ITGA9: variants seen among roughly 807,000 people sequenced by gnomAD.
The protein encoded by ITGA9 is integrin alpha-9.
In ITGA9, 56 loss-of-function variants were observed where a neutral mutation model predicts 127.8. The observed-to-expected ratio is 0.44, with a 90% CI of 0.35 to 0.55. ITGA9 has a LOEUF of 0.55. ITGA9 is among the 20% of genes least tolerant of loss of function. ITGA9 has a pLI of 0.00. For missense variants in ITGA9, 1,196 were observed against 1,347.1 expected (o/e 0.89, Z 1.76); for synonymous variants, 508 against 514.5 (o/e 0.99, Z 0.17).
At chr3:37,470,247 C>G (rs554275829) in intron 1 of ITGA9, among the ~76,000 whole-genome samples, 2 of 147,922 alleles carry the variant, frequency 1.4e-5, no homozygotes, top group African/African-American at 2.5e-5. Flanking sequence ...AATGGAATTA[C>G]TGGGTCAAAG....
At chr3:37,546,135 C>T (rs1256880079) in intron 15 of ITGA9, among the ~76,000 whole-genome samples, 1 of 151,980 alleles carries the variant, frequency 6.6e-6, no homozygotes. Context: ...AGCAGAAAAC[C>T]ATCTAACATG....
chr3:37,818,543 G>A (rs937307851), intron 27 of ITGA9: 23 of 315,190 alleles, frequency 7.3e-5, no homozygotes, highest in African/African-American at 2.8e-4. Context: ...GATTACAGGC[G>A]TGAGCCACTG....
At chr3:37,515,390 G>C (rs1698974496) in intron 9 of ITGA9, among the ~76,000 whole-genome samples, 2 of 152,326 alleles carry the variant, frequency 1.3e-5, no homozygotes, top group Admixed American at 1.3e-4. Flanking sequence ...GCAGATGCCA[G>C]AAAGGAAGGA....
intron 18 of ITGA9, among the ~76,000 whole-genome samples, chr3:37,708,561 G>T (rs569341033): frequency 7.4e-5 from 1 of 13,508 alleles, no homozygotes; most frequent in African/African-American, 3.0e-4. Context: ...CTAAGACACA[G>T]TTCACAACTT....
At chr3:37,604,728 G>A (rs2040145) in intron 15 of ITGA9, among the ~76,000 whole-genome samples, 79,353 of 151,966 alleles carry the variant, frequency 0.52, 21,310 homozygotes, top group East Asian at 0.61. Context: ...GTCCTTTGTA[G>A]GGTTCAGTAT....
At position 37,779,938 on chromosome 3, in the gene ITGA9, C is replaced by A; in HGVS notation, c.2704C>A (p.His902Asn). Reference protein sequence around the residue: ...EKPGISCLTAHCNFSALAKEE... With the variant: ...EKPGISCLTANCNFSALAKEE... ...ACCAGGAATTTCTTGCCTAACAGCA[C>A]ACTGTAACTTTAGTGCTCTTGCTAA... Residue 902 changes from histidine (H) to asparagine (N), a missense_variant, in exon 25 of 28, where the codon CAC (histidine) becomes AAC (asparagine). His to Asn is a moderately conservative substitution (Grantham distance 68, BLOSUM62 1). Coordinates refer to ENST00000264741, the MANE Select transcript of ITGA9 (RefSeq NM_002207.3). 6.2e-7 allele frequency: 1 copy of A among 1,613,814 alleles called. No homozygotes were observed. Among genetic ancestry groups the A allele is most frequent in the Non-Finnish European group, 8.5e-7 (1 of 1,179,692 alleles).
chr3:37,554,263 A>T (rs948069788), intron 15 of ITGA9, among the ~76,000 whole-genome samples: 3 of 152,056 alleles, frequency 2.0e-5, no homozygotes, highest in African/African-American at 7.2e-5. Flanking sequence ...ACGAGGTGTG[A>T]TTTGAGCAAA....
chr3:37,674,705 C>T lies in ITGA9; in HGVS notation c.1917-9160C>T, dbSNP rs371568981. ...CAGTCATAGAGAACTGGTACAGCTC[C>T]CCTGGTGCAACCCACTGATGGTCAG... On this transcript the variant is annotated intron_variant, in intron 17 of 27. Transcript: ENST00000264741. 7.9e-5 allele frequency among the ~76,000 whole-genome samples: 12 copies of T among 152,310 alleles called. No homozygotes were observed. In the East Asian group the frequency reaches 1.2e-3, roughly 15 times the overall value.
chr3:37,604,520 G>A (rs544663551), intron 15 of ITGA9, among the ~76,000 whole-genome samples: 69 of 152,344 alleles, frequency 4.5e-4, no homozygotes, highest in African/African-American at 1.5e-3. Flanking sequence ...AGACACATGA[G>A]CTAAACATTT....
At chr3:37,558,389 C>T (rs1440541291) in intron 15 of ITGA9, among the ~76,000 whole-genome samples, 1 of 152,200 alleles carries the variant, frequency 6.6e-6, no homozygotes, top group African/African-American at 2.4e-5. Flanking sequence ...CCTCCAACAG[C>T]TCAGGTTATT....
At chr3:37,509,673 A>G (rs1026565921) in intron 8 of ITGA9, among the ~76,000 whole-genome samples, 1 of 152,032 alleles carries the variant, frequency 6.6e-6, no homozygotes, top group African/African-American at 2.4e-5. Context: ...TGCATCACCA[A>G]ACTTGGTTTT....
At chr3:37,512,088 C>T (rs1698925188) in intron 8 of ITGA9, among the ~76,000 whole-genome samples, 1 of 106,082 alleles carries the variant, frequency 9.4e-6, no homozygotes, top group Non-Finnish European at 1.8e-5. Context: ...TTCCTTCCTT[C>T]CTTCCTTCCT....
Position 37,743,947 on chromosome 3 carries a change from T to G in ITGA9, c.2346T>G (p.Phe782Leu), listed in dbSNP as rs1208795769. The change falls in exon 22 of 28, where the codon TTT becomes TTG. Residue 782 changes from phenylalanine (F) to leucine (L), a missense_variant. Transcript: ENST00000264741. ...TCAGAATCATGTCTCCAACCTCCTT[T>G]GTATATGGCGAGTCCGTGGACGCAG... ...SITGIMSPTSFVYGESVDAAN... is the reference protein window; with the variant it reads ...SITGIMSPTSLVYGESVDAAN... 2 of 1,613,854 alleles carry G rather than the reference T, an allele frequency of 1.2e-6. No individual in the cohort carries two copies. Among genetic ancestry groups the G allele is most frequent in the Admixed American group, 1.7e-5 (1 of 60,032 alleles).
chr3:37,636,992 A>T (rs2125639016), intron 16 of ITGA9, among the ~76,000 whole-genome samples: 1 of 152,156 alleles, frequency 6.6e-6, no homozygotes, highest in East Asian at 1.9e-4. Context: ...ATTGGTCTAT[A>T]TCTCTGTTTT....
intron 18 of ITGA9, among the ~76,000 whole-genome samples, chr3:37,728,635 C>G (rs1696246870): frequency 6.6e-6 from 1 of 152,074 alleles, no homozygotes; most frequent in African/African-American, 2.4e-5. Flanking sequence ...GGACTGTTTT[C>G]TCTTCCTTAG....
rs776510734 is a variant in ITGA9 at position 37,744,047 on chromosome 3, G to C, written c.2433+13G>C. On this transcript the variant is annotated intron_variant, in intron 22 of 27. Transcript: ENST00000264741. Reference sequence around the variant, plus strand: ...TATCACCCTTCAGGTACCCACTCCTGGAGACCTCCTCTGTCCGTGGGGGCT... The same window carrying C: ...TATCACCCTTCAGGTACCCACTCCTCGAGACCTCCTCTGTCCGTGGGGGCT... 1 of 1,548,258 alleles carries C rather than the reference G, an allele frequency of 6.5e-7. No individual in the cohort carries two copies. The highest frequency in any genetic ancestry group is 1.1e-5 in the South Asian group (1 of 89,746).
At chr3:37,480,695 A>AAC (rs1390301504) in intron 3 of ITGA9, among the ~76,000 whole-genome samples, 1 of 152,212 alleles carries the variant, frequency 6.6e-6, no homozygotes, top group Admixed American at 6.5e-5. Flanking sequence ...TGTGGGTAGA[A>AAC]ACATGGTTGA....
intron 16 of ITGA9, among the ~76,000 whole-genome samples, chr3:37,652,041 T>A (rs1006094580): frequency 4.0e-5 from 6 of 151,790 alleles, no homozygotes; most frequent in African/African-American, 9.7e-5. Context: ...AGGAAAGGCA[T>A]GTGTGATGAG....
At position 37,757,134 on chromosome 3, in the gene ITGA9, C is replaced by G. The variant is rs371886032; in HGVS notation, c.2541+6565C>G. ...AAGGGACAATGAAATAAACCCAACT[C>G]AAAGAAAGTAAAATGAAGGTATTAT... On this transcript the variant is annotated intron_variant, in intron 23 of 27. Coordinates refer to ENST00000264741, the MANE Select transcript of ITGA9 (RefSeq NM_002207.3). Among the ~76,000 whole-genome samples, 270 of 151,706 alleles carry G rather than the reference C, an allele frequency of 1.8e-3. 9 individuals are homozygous for G. The highest frequency in any genetic ancestry group is 6.4e-3 in the African/African-American group (262 of 41,124).
Sources: allele counts gnomAD v4.1 joint callset (sites outside exome capture counted in the v4.1 genomes callset), GRCh38; gene constraint gnomAD v4.1.1; transcripts MANE v1.5; gene names NCBI Gene and HGNC (gene_info 2026-07-23, HGNC 2026-07-21).